DLGAP1: variants seen among roughly 807,000 people sequenced by gnomAD.
DLGAP1 encodes disks large-associated protein 1.
Under a neutral mutation model 90.8 loss-of-function variants are expected in DLGAP1, and 11 were observed. The observed-to-expected ratio is 0.12, with a 90% CI of 0.08 to 0.20. The LOEUF (loss-of-function observed/expected upper bound fraction) is 0.20. DLGAP1 is among the 10% of genes least tolerant of loss of function. DLGAP1 has a pLI of 1.00. For missense variants in DLGAP1, 1,050 were observed against 1,333.8 expected (o/e 0.79, Z 3.31); for synonymous variants, 558 against 540.7 (o/e 1.03, Z -0.44).
At chr18:3,718,826 T>C (rs1221472892) in intron 7 of DLGAP1, among the ~76,000 whole-genome samples, 4 of 149,542 alleles carry the variant, frequency 2.7e-5, no homozygotes, top group Non-Finnish European at 4.4e-5. Context: ...CTCAGGAGGC[T>C]GAGGCAGGAG....
At chr18:4,337,445 C>G (rs1346557404) in intron 1 of DLGAP1, among the ~76,000 whole-genome samples, 1 of 151,962 alleles carries the variant, frequency 6.6e-6, no homozygotes, top group Admixed American at 6.6e-5. Flanking sequence ...CCTGCCTCAG[C>G]CTTTCAAAGT....
At chr18:4,079,672 C>A (rs762427223) in intron 2 of DLGAP1, among the ~76,000 whole-genome samples, 18 of 146,814 alleles carry the variant, frequency 1.2e-4, no homozygotes, top group Non-Finnish European at 2.4e-4. Context: ...CATGTGTACA[C>A]CAAAAGCTAT....
rs1386156639 is a variant in DLGAP1 at position 3,893,565 on chromosome 18, G to A, written c.-72-13425C>T. Among the ~76,000 whole-genome samples, 7 of 147,416 alleles carry A rather than the reference G, an allele frequency of 4.7e-5. No individual in the cohort carries two copies. The South Asian group carries it at 1.5e-3, about 32-fold the overall frequency. On this transcript the variant is annotated intron_variant, in intron 3 of 12. Transcript: ENST00000315677. Reference sequence around the variant, plus strand: ...CTGCACTCCAGCCTGGGCGACAAGAGCAAAACTCAATCTCAAAATAATAAT... The same window carrying A: ...CTGCACTCCAGCCTGGGCGACAAGAACAAAACTCAATCTCAAAATAATAAT...
intron 4 of DLGAP1, among the ~76,000 whole-genome samples, chr18:3,870,707 G>A (rs1237246264): frequency 1.3e-5 from 2 of 151,972 alleles, no homozygotes; most frequent in Admixed American, 6.6e-5. Context: ...TTTTATCCTG[G>A]AGAAGTAAGA....
At chr18:3,725,639 A>C (rs1026271353) in intron 7 of DLGAP1, among the ~76,000 whole-genome samples, 2 of 152,176 alleles carry the variant, frequency 1.3e-5, no homozygotes, top group African/African-American at 4.8e-5. Context: ...TTATATGAAA[A>C]CTTGTTGAGT....
chr18:3,845,653 C>G (rs2068964499), intron 4 of DLGAP1: 2 of 962,920 alleles, frequency 2.1e-6, no homozygotes, highest in South Asian at 9.6e-5. Flanking sequence ...CTTTGCAGCC[C>G]ATATAGGGGG....
At chr18:4,223,521 T>C (rs1464959422) in intron 1 of DLGAP1, among the ~76,000 whole-genome samples, 1 of 152,180 alleles carries the variant, frequency 6.6e-6, no homozygotes, top group African/African-American at 2.4e-5. Context: ...ATCGCATTTG[T>C]TTACAGGAAA....
At chr18:3,637,923 G>A (rs1453790410) in intron 7 of DLGAP1, among the ~76,000 whole-genome samples, 1 of 145,588 alleles carries the variant, frequency 6.9e-6, no homozygotes, top group African/African-American at 2.5e-5. Context: ...TATCACTATT[G>A]TAGGTTTTTG....
chr18:4,045,124 T>C (rs1345047096), intron 2 of DLGAP1, among the ~76,000 whole-genome samples: 1 of 152,016 alleles, frequency 6.6e-6, no homozygotes, highest in Non-Finnish European at 1.5e-5. Flanking sequence ...TCTGTTCTAA[T>C]GGGCAACAGT....
At chr18:4,072,314 A>G (rs1218047949) in intron 2 of DLGAP1, among the ~76,000 whole-genome samples, 2 of 151,796 alleles carry the variant, frequency 1.3e-5, no homozygotes, top group Admixed American at 1.3e-4. Context: ...TTTTTTTCAT[A>G]GATTGAGATT....
At chr18:3,502,722 A>G (rs948316700) in intron 11 of DLGAP1, 77 bp from the exon 12 acceptor site, 42 of 1,506,254 alleles carry the variant, frequency 2.8e-5, no homozygotes, top group Non-Finnish European at 3.4e-5. Context: ...GCATTTTCAA[A>G]TATTTCAAAC....
intron 2 of DLGAP1, among the ~76,000 whole-genome samples, chr18:4,049,190 G>A (rs2075096955): frequency 1.4e-5 from 2 of 147,872 alleles, no homozygotes; most frequent in South Asian, 4.3e-4. Context: ...TCACGCCACT[G>A]CACTCCAGCC....
intron 1 of DLGAP1, among the ~76,000 whole-genome samples, chr18:4,399,667 G>C (rs1200373253): frequency 1.3e-5 from 2 of 152,210 alleles, no homozygotes; most frequent in Non-Finnish European, 2.9e-5. Context: ...AATCCCACAG[G>C]ATGTGAAGCC....
chr18:3,600,991 T>TAGATAG (rs1449721589), intron 7 of DLGAP1, among the ~76,000 whole-genome samples: 2 of 136,128 alleles, frequency 1.5e-5, no homozygotes, highest in East Asian at 2.0e-4. Flanking sequence ...GATATAGATA[T>TAGATAG]ATAGATATAT....
At chr18:4,011,931 T>C (rs963394979) in intron 2 of DLGAP1, among the ~76,000 whole-genome samples, 15 of 152,178 alleles carry the variant, frequency 9.9e-5, no homozygotes, top group African/African-American at 3.6e-4. Flanking sequence ...CCCAAAGTCA[T>C]GATGCATCCC....
intron 7 of DLGAP1, among the ~76,000 whole-genome samples, chr18:3,701,781 C>T (rs1160784130): frequency 6.6e-6 from 1 of 152,082 alleles, no homozygotes; most frequent in African/African-American, 2.4e-5. Context: ...GGACCTGTTT[C>T]TCTAGGATGA....
chr18:3,879,753 G>C lies in DLGAP1; in HGVS notation c.316C>G (p.Gln106Glu), dbSNP rs760160915. 2 of 1,608,276 alleles carry C rather than the reference G, an allele frequency of 1.2e-6. No homozygotes were observed. The highest frequency in any genetic ancestry group is 1.7e-6 in the Non-Finnish European group (2 of 1,179,910). ...ANRIPANLLDQFERQLPLSRD... is the reference protein window; with the variant it reads ...ANRIPANLLDEFERQLPLSRD... ...CTGAGTGGCAGCTGCCGCTCGAACT[G>C]GTCCAGCAGGTTGGCGGGGATGCGG... is the stretch of plus-strand genomic sequence containing the variant. The change falls in exon 4 of 13, where the codon CAG becomes GAG. Residue 106 changes from glutamine to glutamate, a missense_variant. Gln to Glu is a conservative substitution (Grantham distance 29). This residue lies in a region of DLGAP1 where 485 missense variants were observed against 454.1 expected (regional missense o/e 1.07). Coordinates refer to ENST00000315677, the MANE Select transcript of DLGAP1 (RefSeq NM_004746.4). The surrounding 1 kb of genome is among the most constrained non-coding windows in gnomAD (Gnocchi z 6.6).
intron 3 of DLGAP1, among the ~76,000 whole-genome samples, chr18:3,931,164 G>A (rs1268830168): frequency 1.3e-5 from 2 of 152,172 alleles, no homozygotes; most frequent in East Asian, 1.9e-4. Context: ...TGCTGCCTGG[G>A]CTCCCTTCAG....
intron 9 of DLGAP1, among the ~76,000 whole-genome samples, chr18:3,556,549 T>C (rs1254078331): frequency 2.0e-5 from 3 of 152,198 alleles, no homozygotes; most frequent in Non-Finnish European, 4.4e-5. Context: ...TTAGTAATAA[T>C]ACGTTGACGT....
Sources: gnomAD v4.1 joint callset for allele counts (sites outside exome capture counted in the v4.1 genomes callset) on GRCh38, gnomAD v4.1.1 for gene constraint, gnomAD v4.1.1 regional missense constraint, Gnocchi (gnomAD v3.1) non-coding constraint, MANE v1.5 for transcripts, NCBI Gene and HGNC (gene_info 2026-07-23, HGNC 2026-07-21) for gene names.